FBLN7: variants seen among roughly 807,000 people sequenced by gnomAD.
The protein encoded by FBLN7 is fibulin-7.
A neutral mutation model predicts 44.0 loss-of-function variants in FBLN7; 31 were observed. The ratio of observed to expected loss-of-function variants is 0.70; its 90% CI spans 0.53 to 0.95. The LOEUF (loss-of-function observed/expected upper bound fraction) is 0.95. Among genes scored for constraint, FBLN7 ranks in the 40% least tolerant of loss-of-function variants. The probability of loss-of-function intolerance (pLI) is 0.00; values close to 1 mark genes in which losing one functional copy is unlikely to be tolerated. For missense variants in FBLN7, 573 were observed against 618.5 expected (o/e 0.93, Z 0.78); for synonymous variants, 262 against 253.4 (o/e 1.03, Z -0.32).
the FBLN7 span, chr2:112,234,261 TA>T: frequency 6.8e-7 from 1 of 1,470,322 alleles, no homozygotes; most frequent in Non-Finnish European, 9.3e-7. Context: ...ACAAAAAAAC[TA>T]AATGTAAGAA....
the FBLN7 span, among the ~76,000 whole-genome samples, chr2:112,206,599 G>A: frequency 2.0e-5 from 3 of 151,962 alleles, no homozygotes; most frequent in South Asian, 2.1e-4. Flanking sequence ...TATAGAGACC[G>A]GGTTTTGCCA....
the FBLN7 span, among the ~76,000 whole-genome samples, chr2:112,208,496 ATTGAG>A: frequency 6.6e-6 from 1 of 152,210 alleles, no homozygotes; most frequent in Non-Finnish European, 1.5e-5. Flanking sequence ...TTTACATGTA[ATTGAG>A]TTATTATGTC....
At chr2:112,204,469 A>T in the FBLN7 span, among the ~76,000 whole-genome samples, 64 of 152,024 alleles carry the variant, frequency 4.2e-4, no homozygotes, top group African/African-American at 1.5e-3. Context: ...AAGCTAAAAG[A>T]ATTCCAAGCA....
chr2:112,174,944 A>T (rs1248974225), intron 3 of FBLN7, among the ~76,000 whole-genome samples: 2 of 152,170 alleles, frequency 1.3e-5, no homozygotes. Context: ...CATGATTATT[A>T]TGGGAAAAGG....
the FBLN7 span, among the ~76,000 whole-genome samples, chr2:112,202,553 C>G: frequency 6.6e-6 from 1 of 151,814 alleles, no homozygotes. Context: ...TTCAAAAATC[C>G]ACTCCTCTAT....
intron 5 of FBLN7, 163 bp downstream of exon 5, chr2:112,182,039 G>A (rs939469620): frequency 2.4e-6 from 2 of 850,582 alleles, no homozygotes; most frequent in African/African-American, 3.6e-5. Context: ...ACCTAGTGAT[G>A]GCTAGAAGGC....
chr2:112,200,503 G>A, the FBLN7 span, among the ~76,000 whole-genome samples: 1 of 152,090 alleles, frequency 6.6e-6, no homozygotes, highest in African/African-American at 2.4e-5. Context: ...TTGTTTCATG[G>A]ATAAGGCGTA....
chr2:112,217,584 T>C, the FBLN7 span, among the ~76,000 whole-genome samples: 3 of 152,330 alleles, frequency 2.0e-5, no homozygotes, highest in Middle Eastern at 3.4e-3. Context: ...TTTACTAATC[T>C]ATGCAGATCT....
chr2:112,241,107 G>C, the FBLN7 span, among the ~76,000 whole-genome samples: 1 of 151,932 alleles, frequency 6.6e-6, no homozygotes, highest in Non-Finnish European at 1.5e-5. Context: ...ATGCTCTAAA[G>C]GGTGGGCTTA....
At chr2:112,181,283 T>C (rs1256078175) in intron 4 of FBLN7, among the ~76,000 whole-genome samples, 1 of 152,162 alleles carries the variant, frequency 6.6e-6, no homozygotes, top group Admixed American at 6.5e-5. Flanking sequence ...GACACGTGTT[T>C]ATCTATGTAA....
At chr2:112,244,086 A>G in the FBLN7 span, among the ~76,000 whole-genome samples, 5 of 149,710 alleles carry the variant, frequency 3.3e-5, no homozygotes, top group Non-Finnish European at 7.4e-5. Flanking sequence ...TCACCACAAT[A>G]GCACTAAGCA....
At chr2:112,176,505 CTT>C (rs752275941) in intron 4 of FBLN7, 7 of 152,278 alleles carry the variant, frequency 4.6e-5, no homozygotes, top group Non-Finnish European at 7.3e-5. Context: ...GCCTGTTTGT[CTT>C]TATTTCTGTA....
At chr2:112,145,474 C>G (rs1054133471) in intron 1 of FBLN7, among the ~76,000 whole-genome samples, 23 of 151,908 alleles carry the variant, frequency 1.5e-4, no homozygotes, top group African/African-American at 1.2e-4. Flanking sequence ...AAATACAAAG[C>G]CTTTTTTGGA....
At chr2:112,143,085 A>G (rs1214264014) in intron 1 of FBLN7, among the ~76,000 whole-genome samples, 1 of 152,032 alleles carries the variant, frequency 6.6e-6, no homozygotes, top group Admixed American at 6.6e-5. Context: ...GTGGCTATCC[A>G]CTGTGTCCCT....
intron 4 of FBLN7, 28 bp from the exon 5 acceptor site, chr2:112,181,711 C>G (rs1170082558): frequency 4.4e-6 from 6 of 1,365,768 alleles, no homozygotes; most frequent in Admixed American, 3.9e-5. Flanking sequence ...CGCCAGGGCC[C>G]GGCACTGAGC....
At chr2:112,177,550 A>G (rs921106666) in intron 4 of FBLN7, 2 of 152,128 alleles carry the variant, frequency 1.3e-5, no homozygotes, top group Non-Finnish European at 2.9e-5. Flanking sequence ...TATAACATAA[A>G]ATTTACCAGT....
At chr2:112,140,921 C>T (rs915373742) in intron 1 of FBLN7, among the ~76,000 whole-genome samples, 1 of 152,244 alleles carries the variant, frequency 6.6e-6, no homozygotes, top group Non-Finnish European at 1.5e-5. Flanking sequence ...TTGTTCGAAT[C>T]TCACCGGATT....
chr2:112,159,997 A>T (rs55914030), intron 2 of FBLN7, among the ~76,000 whole-genome samples, 162 bp downstream of exon 2: 2,945 of 146,004 alleles, frequency 0.02, 43 homozygotes, highest in Middle Eastern at 0.039. Context: ...TTATTTATTT[A>T]TTTATTTTTT....
intron 4 of FBLN7, chr2:112,176,691 TG>T (rs1682752483): frequency 6.6e-6 from 1 of 152,214 alleles, no homozygotes; most frequent in Admixed American, 6.5e-5. Context: ...GTCAGCTGGC[TG>T]GGCACTTTCT....
Sources: gnomAD v4.1 joint callset for allele counts (sites outside exome capture counted in the v4.1 genomes callset) on GRCh38, gnomAD v4.1.1 for gene constraint, MANE v1.5 for transcripts, NCBI Gene and HGNC (gene_info 2026-07-23, HGNC 2026-07-21) for gene names.